The following ARB2A variants were observed in gnomAD, a reference collection of about 807,000 sequenced individuals.
ARB2A encodes cotranscriptional regulator ARB2A.
At chr5:93,668,894 T>G in the ARB2A span, among the ~76,000 whole-genome samples, 1 of 152,176 alleles carries the variant, frequency 6.6e-6, no homozygotes, top group South Asian at 2.1e-4. Context: ...TTGCATCTAC[T>G]CAATCTACCA....
the ARB2A span, among the ~76,000 whole-genome samples, chr5:93,758,988 G>A: frequency 6.6e-6 from 1 of 151,950 alleles, no homozygotes; most frequent in Admixed American, 6.6e-5. Flanking sequence ...AAATAAAATT[G>A]ACAGACCATT....
the ARB2A span, among the ~76,000 whole-genome samples, chr5:94,027,928 T>C: frequency 6.6e-6 from 1 of 152,068 alleles, no homozygotes; most frequent in Non-Finnish European, 1.5e-5. Flanking sequence ...TCCAGGTAGA[T>C]AGCATCAGAA....
chr5:93,977,310 AAAAAT>A, the ARB2A span, among the ~76,000 whole-genome samples: 1,151 of 152,220 alleles, frequency 7.6e-3, 9 homozygotes, highest in African/African-American at 0.027. Context: ...CTAAGCAAAA[AAAAAT>A]AAAATAAAAT....
chr5:93,928,691 T>C, the ARB2A span, among the ~76,000 whole-genome samples: 2 of 152,156 alleles, frequency 1.3e-5, no homozygotes, highest in Admixed American at 1.3e-4. Flanking sequence ...GGTAATCTAG[T>C]TAAAATTTTT....
chr5:93,957,446 G>A, the ARB2A span, among the ~76,000 whole-genome samples: 1 of 152,184 alleles, frequency 6.6e-6, no homozygotes, highest in South Asian at 2.1e-4. Context: ...AAATGTGTCA[G>A]AGAGAAAGTT....
the ARB2A span, among the ~76,000 whole-genome samples, chr5:93,975,381 AGGGAACTAG>A: frequency 6.6e-6 from 1 of 151,744 alleles, no homozygotes. Context: ...CTTGCACCTA[AGGGAACTAG>A]AAAAACAAGA....
the ARB2A span, among the ~76,000 whole-genome samples, chr5:93,659,820 A>G: frequency 6.6e-6 from 1 of 152,126 alleles, no homozygotes; most frequent in African/African-American, 2.4e-5. Context: ...AAACACGTCT[A>G]TCCACTCATT....
chr5:93,667,413 A>G, the ARB2A span, among the ~76,000 whole-genome samples: 1 of 152,186 alleles, frequency 6.6e-6, no homozygotes, highest in Admixed American at 6.5e-5. Context: ...AGTTTTAGCT[A>G]TTCAGAGTAT....
the ARB2A span, among the ~76,000 whole-genome samples, chr5:93,779,124 T>TGTGTGTGTGCGCGC: frequency 2.0e-4 from 30 of 146,390 alleles, no homozygotes; most frequent in Admixed American, 1.0e-3. Flanking sequence ...TGTGTGTGTG[T>TGTGTGTGTGCGCGC]GCGCGCGCGC....
chr5:93,951,403 C>G, the ARB2A span, among the ~76,000 whole-genome samples: 2 of 152,122 alleles, frequency 1.3e-5, no homozygotes, highest in Non-Finnish European at 2.9e-5. Flanking sequence ...AATCTTTTCC[C>G]AGTCCAATTT....
the ARB2A span, among the ~76,000 whole-genome samples, chr5:94,073,365 C>T: frequency 2.0e-5 from 3 of 152,090 alleles, no homozygotes; most frequent in African/African-American, 7.2e-5. Context: ...GCAACTTGCC[C>T]ATGGTAAGAA....
At chr5:93,845,906 GTA>G in the ARB2A span, among the ~76,000 whole-genome samples, 1 of 152,082 alleles carries the variant, frequency 6.6e-6, no homozygotes, top group Non-Finnish European at 1.5e-5. Flanking sequence ...GAGGAAATGA[GTA>G]AACTGTCTCC....
At chr5:94,040,096 T>A in the ARB2A span, among the ~76,000 whole-genome samples, 1 of 152,258 alleles carries the variant, frequency 6.6e-6, no homozygotes, top group East Asian at 1.9e-4. Flanking sequence ...TTAGAGTCTC[T>A]TCTAAGACTT....
the ARB2A span, among the ~76,000 whole-genome samples, chr5:93,666,353 T>C: frequency 6.6e-6 from 1 of 152,202 alleles, no homozygotes. Flanking sequence ...GATGATTTTT[T>C]AACAAAAGCT....
At chr5:93,736,084 C>T in the ARB2A span, 2 of 152,022 alleles carry the variant, frequency 1.3e-5, no homozygotes, top group African/African-American at 2.4e-5. Flanking sequence ...TATCCAGTGC[C>T]GTATTTTGGG....
the ARB2A span, chr5:93,683,577 G>T: frequency 6.9e-7 from 1 of 1,447,758 alleles, no homozygotes; most frequent in Non-Finnish European, 9.6e-7. Flanking sequence ...GCCCTAAACT[G>T]GCCGTTCTTA....
At chr5:93,698,984 C>G in the ARB2A span, among the ~76,000 whole-genome samples, 5 of 152,174 alleles carry the variant, frequency 3.3e-5, no homozygotes, top group Admixed American at 1.3e-4. Flanking sequence ...AAATTAAAGT[C>G]TTTCATTTCT....
At chr5:93,737,033 T>C in the ARB2A span, 4 of 152,174 alleles carry the variant, frequency 2.6e-5, no homozygotes, top group Admixed American at 2.6e-4. Context: ...GATGATATGA[T>C]TTATATGTAG....
chr5:94,061,257 ACACTCACT>A, the ARB2A span, among the ~76,000 whole-genome samples: 1 of 152,094 alleles, frequency 6.6e-6, no homozygotes, highest in African/African-American at 2.4e-5. Flanking sequence ...AAAAAAATCA[ACACTCACT>A]CATGATTAAA....
Sources: allele counts gnomAD v4.1 joint callset (sites outside exome capture counted in the v4.1 genomes callset), GRCh38; gene constraint gnomAD v4.1.1; transcripts MANE v1.5; gene names NCBI Gene and HGNC (gene_info 2026-07-23, HGNC 2026-07-21).